SLC1A3: variants seen among roughly 807,000 people sequenced by gnomAD.
The protein encoded by SLC1A3 is solute carrier family 1 member 3, also known as excitatory amino acid transporter 1.
A neutral mutation model predicts 48.1 loss-of-function variants in SLC1A3; 21 were observed. The observed-to-expected ratio is 0.44, with a 90% CI of 0.31 to 0.63. The LOEUF (loss-of-function observed/expected upper bound fraction) is 0.63, where lower values mean the gene tolerates loss of function less well. Ranked by LOEUF, SLC1A3 falls within the 20% of genes least tolerant of loss-of-function variation. SLC1A3 has a pLI of 0.08. For missense variants in SLC1A3, 546 were observed against 689.0 expected, an observed-to-expected ratio of 0.79 and a Z score of 2.32; for synonymous variants, 239 against 251.4, an observed-to-expected ratio of 0.95 and a Z score of 0.47.
upstream of SLC1A3, among the ~76,000 whole-genome samples, chr5:36,603,991 T>C (rs1438776444): frequency 6.6e-6 from 1 of 152,248 alleles, no homozygotes; most frequent in Non-Finnish European, 1.5e-5. Flanking sequence ...CATGCTAAGA[T>C]CAGCACGTGC....
At position 36,626,515 on chromosome 5, in the gene SLC1A3, G is replaced by C. The variant is rs139339690; in HGVS notation, c.182-2935G>C. On this transcript the variant is annotated intron_variant, in intron 2 of 9. Coordinates refer to ENST00000265113, the MANE Select transcript of SLC1A3 (RefSeq NM_004172.5). Reference sequence around the variant, plus strand: ...GTTGTTTGCAGAATATCTAAAACTCGTGACAGCTTGATACGTTCAAATTCC... The same window carrying C: ...GTTGTTTGCAGAATATCTAAAACTCCTGACAGCTTGATACGTTCAAATTCC... Among the ~76,000 whole-genome samples the C allele has an allele frequency of 2.2e-3, 332 of 152,292 alleles. 2 individuals are homozygous for C. Among genetic ancestry groups the C allele is most frequent in the African/African-American group, 7.8e-3 (323 of 41,578 alleles).
At chr5:36,640,990 T>TACAC (rs145725270) in intron 3 of SLC1A3, among the ~76,000 whole-genome samples, 1 of 149,630 alleles carries the variant, frequency 6.7e-6, no homozygotes, top group Non-Finnish European at 1.5e-5. Context: ...CACACACACA[T>TACAC]ACACACACAC....
chr5:36,648,638 C>T (rs185487342), intron 3 of SLC1A3, among the ~76,000 whole-genome samples: 2 of 152,320 alleles, frequency 1.3e-5, no homozygotes, highest in African/African-American at 2.4e-5. Flanking sequence ...CAACTTCTCA[C>T]GTGTACAGAT....
chr5:36,599,879 T>C (rs909431534), intron 1 of SLC1A3, among the ~76,000 whole-genome samples: 1 of 152,034 alleles, frequency 6.6e-6, no homozygotes, highest in African/African-American at 2.4e-5. Flanking sequence ...TGGAGTGCAG[T>C]GGCGCTATCT....
chr5:36,645,120 GC>G (rs1740782466), intron 3 of SLC1A3, among the ~76,000 whole-genome samples: 1 of 152,086 alleles, frequency 6.6e-6, no homozygotes, highest in African/African-American at 2.4e-5. Flanking sequence ...TCATTATAAT[GC>G]TTTTTATTAT....
At chr5:36,620,858 G>C (rs2111717102) in intron 2 of SLC1A3, among the ~76,000 whole-genome samples, 1 of 151,414 alleles carries the variant, frequency 6.6e-6, no homozygotes, top group African/African-American at 2.4e-5. Flanking sequence ...ACCAGCTAAG[G>C]GATAGGAAAG....
intron 2 of SLC1A3, among the ~76,000 whole-genome samples, chr5:36,617,406 G>C (rs1282994536): frequency 5.7e-5 from 8 of 140,912 alleles, no homozygotes; most frequent in African/African-American, 1.0e-4. Flanking sequence ...AGGGAGAAAA[G>C]GTTGCGGGCT....
At chr5:36,633,343 C>G (rs1014879689) in intron 3 of SLC1A3, among the ~76,000 whole-genome samples, 2 of 152,166 alleles carry the variant, frequency 1.3e-5, no homozygotes, top group Admixed American at 6.5e-5. Flanking sequence ...TTTTGACATG[C>G]AATCTCTGTG....
chr5:36,627,410 C>A (rs1739952485), intron 2 of SLC1A3, among the ~76,000 whole-genome samples: 1 of 151,948 alleles, frequency 6.6e-6, no homozygotes, highest in Non-Finnish European at 1.5e-5. Context: ...GCTACCCAGC[C>A]AACCCACGCA....
chr5:36,671,730 A>G (rs1001571), intron 4 of SLC1A3, among the ~76,000 whole-genome samples: 7,598 of 152,266 alleles, frequency 0.05, 543 homozygotes, highest in African/African-American at 0.16. Context: ...TTCCTTTCAT[A>G]ATGTTTATGG....
At chr5:36,676,503 T>C (rs570290123) in intron 5 of SLC1A3, among the ~76,000 whole-genome samples, 2 of 152,298 alleles carry the variant, frequency 1.3e-5, no homozygotes, top group African/African-American at 2.4e-5. Flanking sequence ...TGTGAATATT[T>C]GGGTTTATGG....
chr5:36,678,915 A>G (rs970357062), intron 6 of SLC1A3, among the ~76,000 whole-genome samples: 1 of 152,214 alleles, frequency 6.6e-6, no homozygotes, highest in Non-Finnish European at 1.5e-5. Flanking sequence ...GACATCTTCT[A>G]ATTATGGCAA....
intron 1 of SLC1A3, among the ~76,000 whole-genome samples, chr5:36,600,817 T>G (rs4869675): frequency 0.33 from 49,615 of 152,026 alleles, 8,240 homozygotes; most frequent in South Asian, 0.44. Context: ...CTTGAATGTA[T>G]GTTTTAACGC....
Position 36,645,319 on chromosome 5 carries a change from C to CTTTTTTTTT in SLC1A3, c.319+15753_319+15761dup, listed in dbSNP as rs68027582. On this transcript the variant is annotated intron_variant, in intron 3 of 9. Transcript: ENST00000265113. ...ATCTTTGAGGACTGACTTCCGCTGC[C>CTTTTTTTTT]TTTTTTTTTTTTTTTTTTTTTTTTT... Among the ~76,000 whole-genome samples the CTTTTTTTTT allele has an allele frequency of 9.8e-4, 83 of 84,300 alleles. 37 individuals are homozygous for CTTTTTTTTT. The highest frequency in any genetic ancestry group is 1.1e-3 in the Non-Finnish European group (49 of 42,782). The allele number at this position is 84,300 out of a possible 152,430, so 55.3% of individuals were successfully genotyped here.
Position 36,640,362 on chromosome 5 carries a change from C to T in SLC1A3, c.319+10775C>T, listed in dbSNP as rs558008649. On this transcript the variant is annotated intron_variant, in intron 3 of 9. Coordinates refer to ENST00000265113, the MANE Select transcript of SLC1A3 (RefSeq NM_004172.5). ...AATCTCAGATCCTCAGGCTGGAAGC[C>T]GGTGCATTACCCCATGATGTACTTC... is the stretch of plus-strand genomic sequence containing the variant. Among the ~76,000 whole-genome samples the T allele has an allele frequency of 7.9e-4, 120 of 152,310 alleles. 1 individual carries two copies. The highest frequency in any genetic ancestry group is 2.7e-3 in the African/African-American group (112 of 41,570).
At chr5:36,675,555 G>T (rs1166387398) in intron 5 of SLC1A3, among the ~76,000 whole-genome samples, 1 of 152,216 alleles carries the variant, frequency 6.6e-6, no homozygotes, top group African/African-American at 2.4e-5. Flanking sequence ...TGCAAACAAG[G>T]TTGCAGTTTC....
rs1742239390 is a variant in SLC1A3, at chr5:36,677,023, A to G, written c.699A>G (p.Pro233=). ...CCCGAATCACAGAGGAGCTGGTCCC[A>G]GTTCCAGGATCTGTGAATGGAGTCA... The part of the protein sequence containing the change: ...TLTRITEELV[P]VPGSVNGVNA... Residue 233 remains proline (P), a synonymous_variant, in exon 6 of 10, where the codon CCA becomes CCG. Coordinates refer to ENST00000265113, the MANE Select transcript of SLC1A3 (RefSeq NM_004172.5). 1 of 1,614,024 alleles carries G rather than the reference A, an allele frequency of 6.2e-7. No individual in the cohort carries two copies. The highest frequency in any genetic ancestry group is 1.7e-5 in the Admixed American group (1 of 60,000).
rs34710652 is a variant in SLC1A3 at position 36,617,415 on chromosome 5, C to CTTTTTTT, written c.181+8827_181+8833dup. Among the ~76,000 whole-genome samples the CTTTTTTT allele has an allele frequency of 8.5e-4, 49 of 57,690 alleles. No homozygotes were observed. The East Asian group carries it at 0.013, about 15-fold the overall frequency. 37.8% of individuals were successfully genotyped at this position (57,690 alleles called of 152,430 possible). A position where few individuals can be genotyped will look rare whatever the true frequency, so the allele number is the denominator to read the frequency against. On this transcript the variant is annotated intron_variant, in intron 2 of 9. Transcript: ENST00000265113. ...AGAAAGAGGGAGAAAAGGTTGCGGG[C>CTTTTTTT]TTTTTTTTTTTTTTTTTTTTTTGGC... is the stretch of plus-strand genomic sequence containing the variant.
At chr5:36,601,564 C>G (rs543507275), upstream of SLC1A3, among the ~76,000 whole-genome samples, 1 of 152,270 alleles carries the variant, frequency 6.6e-6, no homozygotes, top group East Asian at 1.9e-4. Context: ...GAACTTGGCA[C>G]TAAGGAATTA....
Sources: gnomAD v4.1 joint callset for allele counts (sites outside exome capture counted in the v4.1 genomes callset) on GRCh38, gnomAD v4.1.1 for gene constraint, MANE v1.5 for transcripts, NCBI Gene and HGNC (gene_info 2026-07-23, HGNC 2026-07-21) for gene names.